HTT: variants seen among roughly 807,000 people sequenced by gnomAD.
The protein encoded by HTT is huntington disease protein.
A neutral mutation model predicts 362.3 loss-of-function variants in HTT; 104 were observed. That is an observed-to-expected ratio of 0.29 (90% confidence interval 0.24 to 0.34). The LOEUF is 0.34. Ranked by LOEUF, HTT falls within the 10% of genes least tolerant of loss-of-function variation. The probability of loss-of-function intolerance (pLI) is 1.00; values close to 1 mark genes in which losing one functional copy is unlikely to be tolerated. For synonymous variants in HTT, 1,577 were observed against 1,548.7 expected, an observed-to-expected ratio of 1.02 and a Z score of -0.43; for missense variants, 3,301 against 3,928.6, an observed-to-expected ratio of 0.84 and a Z score of 4.27.
chr4:3,081,630 C>T (rs1159160760), intron 1 of HTT, among the ~76,000 whole-genome samples: 1 of 143,262 alleles, frequency 7.0e-6, no homozygotes, highest in Non-Finnish European at 1.5e-5. Flanking sequence ...GCGATCTCGG[C>T]TCACTGCAAC....
At chr4:3,098,109 C>T (rs966901677) in intron 2 of HTT, among the ~76,000 whole-genome samples, 1 of 152,212 alleles carries the variant, frequency 6.6e-6, no homozygotes, top group Non-Finnish European at 1.5e-5. Context: ...GTGTAGCTCA[C>T]ATTCTGTTTC....
chr4:3,196,679 A>G (rs1719270962), intron 40 of HTT, among the ~76,000 whole-genome samples: 1 of 151,904 alleles, frequency 6.6e-6, no homozygotes, highest in Non-Finnish European at 1.5e-5. Flanking sequence ...CCAAAGCTAC[A>G]GTGGGCTGTG....
At chr4:3,120,637 G>C (rs1213822234) in intron 8 of HTT, among the ~76,000 whole-genome samples, 1 of 152,220 alleles carries the variant, frequency 6.6e-6, no homozygotes. Context: ...AACTGCACAT[G>C]TGAGGGGTCT....
intron 3 of HTT, among the ~76,000 whole-genome samples, chr4:3,101,485 C>T (rs896303617): frequency 6.6e-6 from 1 of 152,240 alleles, no homozygotes; most frequent in African/African-American, 2.4e-5. Context: ...GGTTTGCTCT[C>T]ACTGTGGCAG....
In HTT at chr4:3,074,904, C is replaced by CAGG; in HGVS notation, c.81_82insGAG (p.Gln27_Gln28insGlu). On this transcript the variant is annotated inframe_insertion, in exon 1 of 67. Coordinates refer to ENST00000355072, the MANE Select transcript of HTT (RefSeq NM_001388492.1). Reference sequence around the variant, plus strand: ...GCAGCAGCAGCAGCAGCAGCAGCAGCAGCAGCAGCAGCAGCAGCAGCAGCA... The same window carrying CAGG: ...GCAGCAGCAGCAGCAGCAGCAGCAGCAGGAGCAGCAGCAGCAGCAGCAGCAGCA... 6.7e-7 allele frequency: 1 copy of CAGG among 1,498,550 alleles called. No individual in the cohort carries two copies. Among genetic ancestry groups the CAGG allele is most frequent in the East Asian group, 2.7e-5 (1 of 37,060 alleles). 92.8% of individuals were successfully genotyped at this position (1,498,550 alleles called of 1,614,324 possible).
At chr4:3,133,341 A>G (rs77391121) in intron 18 of HTT, among the ~76,000 whole-genome samples, 1 of 151,250 alleles carries the variant, frequency 6.6e-6, no homozygotes, top group Non-Finnish European at 1.5e-5. Flanking sequence ...AAAAAAAAAA[A>G]AAGTAGCTGG....
intron 1 of HTT, among the ~76,000 whole-genome samples, chr4:3,079,116 G>A (rs964181953): frequency 2.6e-5 from 4 of 151,972 alleles, no homozygotes; most frequent in East Asian, 1.9e-4. Flanking sequence ...GGCTGGTCTC[G>A]AACTCCCGGC....
intron 22 of HTT, 39 bp downstream of exon 22, chr4:3,140,695 A>C (rs760103567): frequency 6.3e-7 from 1 of 1,596,160 alleles, no homozygotes. Flanking sequence ...TGTCGGGAAA[A>C]TGCCCTTTCC....
rs778704739 is a variant in HTT at position 3,122,899 on chromosome 4, T to C, written c.1284T>C (p.Gly428=). Residue 428 remains glycine, a synonymous_variant, in exon 10 of 67, where the codon GGT becomes GGC. Transcript: ENST00000355072. Reference sequence around the variant, plus strand: ...TTCTGTGATTTGCAGCTGGAGGGGGTTCCTCATGCAGCCCTGTCCTTTCAA... The same window carrying C: ...TTCTGTGATTTGCAGCTGGAGGGGGCTCCTCATGCAGCCCTGTCCTTTCAA... ...GSIVELIAGG[G]SSCSPVLSRK... is the part of the protein sequence containing the mutation. The C allele has an allele frequency of 1.6e-5, 25 of 1,610,840 alleles. No homozygotes were observed. The highest frequency in any genetic ancestry group is 2.0e-5 in the Non-Finnish European group (24 of 1,178,086).
At chr4:3,087,194 C>T (rs1578486417) in intron 2 of HTT, among the ~76,000 whole-genome samples, 172 bp downstream of exon 2, 1 of 152,178 alleles carries the variant, frequency 6.6e-6, no homozygotes, top group East Asian at 1.9e-4. Flanking sequence ...TATCCAGACA[C>T]TGAAATGAAT....
chr4:3,184,468 G>T (rs952271006), intron 37 of HTT, among the ~76,000 whole-genome samples: 2 of 152,068 alleles, frequency 1.3e-5, no homozygotes, highest in African/African-American at 4.8e-5. Flanking sequence ...TGAGGGCAGA[G>T]CAGGGCCACC....
intron 2 of HTT, among the ~76,000 whole-genome samples, chr4:3,090,857 A>T (rs1000433575): frequency 6.6e-6 from 1 of 152,240 alleles, no homozygotes; most frequent in African/African-American, 2.4e-5. Context: ...CATGCCTGTA[A>T]TCCCAGCACT....
intron 40 of HTT, among the ~76,000 whole-genome samples, chr4:3,199,369 C>G (rs531141412): frequency 6.6e-6 from 1 of 152,124 alleles, no homozygotes; most frequent in Admixed American, 6.5e-5. Flanking sequence ...GTGAAACCCC[C>G]TCTATACTAA....
At chr4:3,233,563 G>C (rs1721366505) in intron 61 of HTT, among the ~76,000 whole-genome samples, 1 of 152,208 alleles carries the variant, frequency 6.6e-6, no homozygotes, top group Non-Finnish European at 1.5e-5. Flanking sequence ...GCGAGCTGGA[G>C]CTCTCGCCTC....
Position 3,130,433 on chromosome 4 carries a change from AT to A in HTT, c.1986+11del. Reference sequence around the variant, plus strand: ...TGATCAAGAAAACAAGGTGAGGGACATAGGCTTGAGACGACTTGGTGTTTCT... The same window carrying A: ...TGATCAAGAAAACAAGGTGAGGGACAAGGCTTGAGACGACTTGGTGTTTCT... On this transcript the variant is annotated intron_variant, in intron 14 of 66. Coordinates refer to ENST00000355072, the MANE Select transcript of HTT (RefSeq NM_001388492.1). The A allele has an allele frequency of 6.8e-7, 1 of 1,474,926 alleles. No individual in the cohort carries two copies. Among genetic ancestry groups the A allele is most frequent in the Non-Finnish European group, 9.4e-7 (1 of 1,063,882 alleles). The allele number at this position is 1,474,926 out of a possible 1,614,324, so 91.4% of individuals were successfully genotyped here.
chr4:3,239,682 G>T (rs900649534), intron 66 of HTT, among the ~76,000 whole-genome samples, 164 bp from the exon 67 acceptor site: 5 of 152,174 alleles, frequency 3.3e-5, no homozygotes, highest in Non-Finnish European at 5.9e-5. Flanking sequence ...AGGTGGAGGC[G>T]CTGATGCAGC....
chr4:3,182,615 A>C (rs1233589642), intron 37 of HTT, 145 bp downstream of exon 37: 4 of 658,678 alleles, frequency 6.1e-6, no homozygotes, highest in African/African-American at 1.8e-5. Context: ...GGGACAGCTG[A>C]CTTCATTTCT....
At chr4:3,233,538 C>T (rs1721365062) in intron 61 of HTT, among the ~76,000 whole-genome samples, 185 bp downstream of exon 61, 3 of 152,216 alleles carry the variant, frequency 2.0e-5, no homozygotes. Context: ...CTAGAGGCTT[C>T]CTCGGGCACC....
chr4:3,142,815 G>T lies in HTT; in HGVS notation c.2995G>T (p.Glu999Ter). 4 of 1,596,132 alleles carry T rather than the reference G, an allele frequency of 2.5e-6. No individual in the cohort carries two copies. The highest frequency in any genetic ancestry group is 3.4e-6 in the Non-Finnish European group (4 of 1,163,874). ...ACCAAGCATAACAGACGTCACTATG[G>T]AAAATAACCTTTCAAGAGTTATTGC... ...LLPSITDVTM[E>*]NNLSRVIAAV... The change falls in exon 23 of 67, where the codon GAA (glutamate) becomes TAA (stop). Residue 999 changes from glutamate (E) to a stop codon, truncating the protein, a stop_gained. Transcript: ENST00000355072. LOFTEE classifies it high-confidence loss of function.
Sources: allele counts gnomAD v4.1 joint callset (sites outside exome capture counted in the v4.1 genomes callset), GRCh38; gene constraint gnomAD v4.1.1; transcripts MANE v1.5; gene names NCBI Gene and HGNC (gene_info 2026-07-23, HGNC 2026-07-21).